The following CDC45 variants were observed in gnomAD, a reference collection of about 807,000 sequenced individuals.
CDC45 encodes the protein cell division cycle 45.
Under a neutral mutation model 77.8 loss-of-function variants are expected in CDC45, and 54 were observed. The observed-to-expected ratio is 0.69, with a 90% CI of 0.56 to 0.87. The LOEUF (loss-of-function observed/expected upper bound fraction) is 0.87, where lower values mean the gene tolerates loss of function less well. Ranked by LOEUF, CDC45 falls within the 40% of genes least tolerant of loss-of-function variation. The probability of loss-of-function intolerance (pLI) is 0.00; values close to 1 mark genes in which losing one functional copy is unlikely to be tolerated. For synonymous variants in CDC45, 260 were observed against 272.1 expected (o/e 0.96, Z 0.44); for missense variants, 649 against 721.6 (o/e 0.90, Z 1.15).
intron 5 of CDC45, among the ~76,000 whole-genome samples, chr22:19,487,910 C>CAAAA (rs11291499): frequency 1.7e-4 from 12 of 68,694 alleles, no homozygotes; most frequent in East Asian, 7.5e-4. Flanking sequence ...GACTCCGTCT[C>CAAAA]AAAAAAAAAA....
chr22:19,492,786 G>C (rs144514703), intron 5 of CDC45, among the ~76,000 whole-genome samples: 242 of 152,276 alleles, frequency 1.6e-3, no homozygotes, highest in Admixed American at 0.013. Context: ...AGTGATGCCA[G>C]GTAGAGGTAA....
Position 19,520,180 on chromosome 22 carries a change from C to T in CDC45, c.*2-301C>T, listed in dbSNP as rs912119330. On this transcript the variant is annotated intron_variant, in intron 18 of 18. Transcript: ENST00000263201. This position sits in a 1 kb window ranked among gnomAD's most constrained non-coding sequence, Gnocchi z 4.5. ...CTAGGAGGGCTGAGCAGCAGAGTGC[C>T]GAGGGATGGAGGGAGAGCCCCCATG... Among the ~76,000 whole-genome samples, 4 of 152,058 alleles carry T rather than the reference C, an allele frequency of 2.6e-5. No homozygotes were observed. Among genetic ancestry groups the T allele is most frequent in the Non-Finnish European group, 4.4e-5 (3 of 67,982 alleles).
chr22:19,516,863 C>T lies in CDC45; in HGVS notation c.1606C>T (p.Arg536Trp), dbSNP rs1240385072. Reference protein sequence around the residue: ...FEKAAESTSSRMLHNHFDLSV... With the variant: ...FEKAAESTSSWMLHNHFDLSV... ...GAAGGCAGCGGAAAGCACCAGCTCC[C>T]GGATGCTGCACAACCATTTTGACCT... The change falls in exon 17 of 19, where the codon CGG becomes TGG. Residue 536 changes from arginine (R) to tryptophan (W), a missense_variant. By Grantham distance (101) the Arg-to-Trp change is moderately radical. Transcript: ENST00000263201. 5 of 1,614,088 alleles carry T rather than the reference C, an allele frequency of 3.1e-6. No individual in the cohort carries two copies. The highest frequency in any genetic ancestry group is 3.3e-5 in the Admixed American group (2 of 60,014).
intron 5 of CDC45, among the ~76,000 whole-genome samples, chr22:19,491,993 A>G (rs1165516862): frequency 2.6e-5 from 4 of 151,906 alleles, no homozygotes. Flanking sequence ...TTTAGTAGAG[A>G]TGAGGTTTTT....
upstream of CDC45, chr22:19,479,522 C>A: frequency 1.8e-6 from 1 of 570,022 alleles, no homozygotes; most frequent in Non-Finnish European, 3.4e-6. Context: ...ACAAATCCTT[C>A]TTCAAACCAC....
chr22:19,490,972 T>C (rs2090145498), intron 5 of CDC45, among the ~76,000 whole-genome samples: 1 of 151,528 alleles, frequency 6.6e-6, no homozygotes, highest in Non-Finnish European at 1.5e-5. Flanking sequence ...GGACCCCAGG[T>C]GTGTGCCACC....
At position 19,479,936 on chromosome 22, in the gene CDC45, A is replaced by G. The variant is rs757912076; in HGVS notation, c.-33A>G. On this transcript the variant is annotated 5_prime_UTR_variant, in exon 1 of 19. Transcript: ENST00000263201. ...ACCGCCGCCGGGCTCTTGGTACCTC[A>G]GCGCGAGCGCCAGGCGTCCGGCCGC... 5.0e-6 allele frequency: 8 copies of G among 1,611,752 alleles called. No homozygotes were observed. Among genetic ancestry groups the G allele is most frequent in the Non-Finnish European group, 5.1e-6 (6 of 1,179,792 alleles).
intron 5 of CDC45, among the ~76,000 whole-genome samples, chr22:19,489,202 A>G (rs972127575): frequency 6.6e-6 from 1 of 152,200 alleles, no homozygotes; most frequent in Non-Finnish European, 1.5e-5. Context: ...CTAAATTTAT[A>G]AATCATGTGA....
At chr22:19,481,932 A>G (rs2089990274) in intron 3 of CDC45, among the ~76,000 whole-genome samples, 2 of 152,208 alleles carry the variant, frequency 1.3e-5, no homozygotes, top group Admixed American at 1.3e-4. Context: ...TCAGCCTCCC[A>G]AAGTGCTGGA....
chr22:19,519,408 A>G (rs1933985940), intron 18 of CDC45, among the ~76,000 whole-genome samples: 1 of 152,258 alleles, frequency 6.6e-6, no homozygotes. Context: ...TCACCAGCAC[A>G]CAGCTGTCCT....
At chr22:19,506,677 G>A (rs1436066260) in intron 10 of CDC45, among the ~76,000 whole-genome samples, 1 of 152,170 alleles carries the variant, frequency 6.6e-6, no homozygotes, top group East Asian at 1.9e-4. Flanking sequence ...GCTCACGCCT[G>A]TAATCCCAGC....
chr22:19,507,393 C>G lies in CDC45; in HGVS notation c.832C>G (p.Leu278Val). ...TRISFEYDLR[L>V]VLYQHWSLHD... Reference sequence around the variant, plus strand: ...CCTTGACTGCAGGCCCAGCCTCCGCCTGGTGCTCTACCAGCACTGGTCCCT... The same window carrying G: ...CCTTGACTGCAGGCCCAGCCTCCGCGTGGTGCTCTACCAGCACTGGTCCCT... The change falls in exon 11 of 19, where the codon CTG (leucine) becomes GTG (valine). Residue 278 changes from leucine (L) to valine (V), a missense_variant. Leu to Val is a conservative substitution (Grantham distance 32). Coordinates refer to ENST00000263201, the MANE Select transcript of CDC45 (RefSeq NM_003504.5). 6.2e-7 allele frequency: 1 copy of G among 1,614,034 alleles called. No individual in the cohort carries two copies. Among genetic ancestry groups the G allele is most frequent in the Non-Finnish European group, 8.5e-7 (1 of 1,180,026 alleles).
intron 9 of CDC45, 42 bp from the exon 10 acceptor site, chr22:19,505,320 C>G (rs745393775): frequency 1.3e-5 from 21 of 1,613,492 alleles, no homozygotes; most frequent in Non-Finnish European, 1.6e-5. Flanking sequence ...CTGGTAAGAG[C>G]TGGAGGGAAC....
Position 19,508,880 on chromosome 22 carries a change from T to C in CDC45, c.1217+189T>C, listed in dbSNP as rs572445832. ...ATTACCTGCCCCTCTTCAGTATTTGTCACTTTCTCTTGAATCTTTTTTGGC... is the reference window on the plus strand; with the variant it reads ...ATTACCTGCCCCTCTTCAGTATTTGCCACTTTCTCTTGAATCTTTTTTGGC... On this transcript the variant is annotated intron_variant, in intron 13 of 18. Coordinates refer to ENST00000263201, the MANE Select transcript of CDC45 (RefSeq NM_003504.5). Among the ~76,000 whole-genome samples the C allele has an allele frequency of 2.6e-5, 4 of 152,386 alleles. No individual in the cohort carries two copies. The South Asian group carries it at 8.3e-4, about 32-fold the overall frequency.
At chr22:19,509,096 T>A (rs1933375275) in intron 13 of CDC45, among the ~76,000 whole-genome samples, 1 of 152,238 alleles carries the variant, frequency 6.6e-6, no homozygotes, top group Non-Finnish European at 1.5e-5. Context: ...GTCTTTTCGC[T>A]TGTTTTGAAA....
At chr22:19,497,149 A>G (rs2090256809) in intron 7 of CDC45, among the ~76,000 whole-genome samples, 1 of 152,212 alleles carries the variant, frequency 6.6e-6, no homozygotes, top group African/African-American at 2.4e-5. Flanking sequence ...AGGATAAAAT[A>G]TACAGACAGT....
intron 15 of CDC45, among the ~76,000 whole-genome samples, chr22:19,515,462 A>T (rs1279326957): frequency 6.6e-6 from 1 of 151,998 alleles, no homozygotes; most frequent in Non-Finnish European, 1.5e-5. Flanking sequence ...CGTGGAACAC[A>T]CTCCTAACTT....
Position 19,494,313 on chromosome 22 carries a change from T to A in CDC45, c.487-14T>A. ...CATTTGCTCCACCTTTTGTTCTCTT[T>A]GTCCCTGTATCAGGAGATAGTGGAG... On this transcript the variant is annotated splice_polypyrimidine_tract_variant and intron_variant, in intron 5 of 18. Transcript: ENST00000263201. 1.2e-6 allele frequency: 2 copies of A among 1,611,768 alleles called. No individual in the cohort carries two copies. Among genetic ancestry groups the A allele is most frequent in the Non-Finnish European group, 1.7e-6 (2 of 1,179,512 alleles).
At chr22:19,484,095 T>G (rs2146335914) in intron 5 of CDC45, 90 bp downstream of exon 5, 1 of 1,254,752 alleles carries the variant, frequency 8.0e-7, no homozygotes, top group Non-Finnish European at 1.1e-6. Flanking sequence ...CAAGGTGTAC[T>G]GAGGGCAGTG....
Sources: allele counts gnomAD v4.1 joint callset (sites outside exome capture counted in the v4.1 genomes callset), GRCh38; gene constraint gnomAD v4.1.1; non-coding constraint Gnocchi (gnomAD v3.1); transcripts MANE v1.5; gene names NCBI Gene and HGNC (gene_info 2026-07-23, HGNC 2026-07-21).